Variants in LYST observed in about 807,000 individuals in gnomAD.
The protein encoded by LYST is lysosomal-trafficking regulator.
In LYST, 192 loss-of-function variants were observed where a neutral mutation model predicts 413.6. The observed-to-expected ratio is 0.46, with a 90% CI of 0.41 to 0.52. The LOEUF (loss-of-function observed/expected upper bound fraction) is 0.52, where lower values mean the gene tolerates loss of function less well. Ranked by LOEUF, LYST falls within the 20% of genes least tolerant of loss-of-function variation. The pLI is 0.00. For missense variants in LYST, 3,815 were observed against 4,499.9 expected (o/e 0.85, Z 4.35); for synonymous variants, 1,525 against 1,567.3 (o/e 0.97, Z 0.64).
intron 5 of LYST, 82 bp from the exon 6 acceptor site, chr1:235,806,854 C>T (rs1272461810): frequency 2.8e-5 from 25 of 908,096 alleles, no homozygotes; most frequent in South Asian, 4.4e-5. Context: ...TTTAATATAT[C>T]GCTATTGCAT....
intron 7 of LYST, among the ~76,000 whole-genome samples, chr1:235,804,095 GT>G (rs1381416403): frequency 6.6e-6 from 1 of 152,134 alleles, no homozygotes; most frequent in Non-Finnish European, 1.5e-5. Context: ...TAAAATTAAT[GT>G]GAGTAGAGAG....
intron 3 of LYST, chr1:235,828,768 C>A: frequency 2.3e-6 from 2 of 879,478 alleles, no homozygotes; most frequent in South Asian, 1.0e-4. Context: ...ATTAAATAAT[C>A]AAAATTTCAA....
chr1:235,693,585 G>A (rs1660847770), intron 46 of LYST, 99 bp from the exon 47 acceptor site: 1 of 1,301,786 alleles, frequency 7.7e-7, no homozygotes, highest in African/African-American at 1.5e-5. Flanking sequence ...TTACATAGCA[G>A]AACATATCAT....
chr1:235,738,476 T>A, intron 31 of LYST: 1 of 1,612,480 alleles, frequency 6.2e-7, no homozygotes, highest in Non-Finnish European at 8.5e-7. Flanking sequence ...ACCATGTTAT[T>A]GGAAGTGGTT....
At chr1:235,779,884 G>C (rs1022458885) in intron 16 of LYST, among the ~76,000 whole-genome samples, 2 of 152,066 alleles carry the variant, frequency 1.3e-5, no homozygotes, top group Non-Finnish European at 2.9e-5. Flanking sequence ...AAGAGAAAGA[G>C]GAACCCAGTT....
chr1:235,702,684 T>G, intron 45 of LYST, 63 bp downstream of exon 45: 12 of 1,325,490 alleles, frequency 9.1e-6, no homozygotes, highest in Non-Finnish European at 1.3e-5. Flanking sequence ...CCTGGGAGAG[T>G]GCCTGGCATC....
rs71174459 is a variant in LYST, at chr1:235,755,388, CAAAAGAAAAG to C, written c.7229+80_7229+89del. 0.025 allele frequency: 21,695 copies of C among 856,952 alleles called. 2,564 individuals carry two copies. In the African/African-American group the frequency reaches 0.3, roughly 12 times the overall value. 53.1% of individuals were successfully genotyped at this position (856,952 alleles called of 1,614,324 possible). A position where few individuals can be genotyped will look rare whatever the true frequency, so the allele number is the denominator to read the frequency against. On this transcript the variant is annotated intron_variant, in intron 25 of 52. Transcript: ENST00000389793. ...TGGGCAACAGGGCGAGACTCCGTCT[CAAAAGAAAAG>C]AAAAGAAAAGAAAAGAAAAGAAAAG...
chr1:235,723,264 G>A (rs1663552888), intron 39 of LYST, among the ~76,000 whole-genome samples: 2 of 152,208 alleles, frequency 1.3e-5, no homozygotes, highest in African/African-American at 4.8e-5. Context: ...CTTCTAAATG[G>A]AGACATCAGT....
chr1:235,700,744 A>G (rs1030195984), intron 45 of LYST, among the ~76,000 whole-genome samples: 1 of 152,238 alleles, frequency 6.6e-6, no homozygotes, highest in Non-Finnish European at 1.5e-5. Flanking sequence ...CCAAACCTTA[A>G]AGAATTTGCA....
At chr1:235,876,998 G>C (rs966526917) in intron 1 of LYST, among the ~76,000 whole-genome samples, 1 of 152,238 alleles carries the variant, frequency 6.6e-6, no homozygotes, top group Admixed American at 6.5e-5. Flanking sequence ...ACAGGTGACT[G>C]TAAGCACAGC....
At position 235,674,483 on chromosome 1, in the gene LYST, G is replaced by A. The variant is rs1385998438; in HGVS notation, c.11038+2608C>T. Among the ~76,000 whole-genome samples, 1 of 151,980 alleles carries A rather than the reference G, an allele frequency of 6.6e-6. No homozygotes were observed. Among genetic ancestry groups the A allele is most frequent in the Non-Finnish European group, 1.5e-5 (1 of 68,032 alleles). ...ATGCTATCAAAGTTCCACAAGAGGT[G>A]CTAAATGAATTTAAAGCCAGGAATC... On this transcript the variant is annotated intron_variant, in intron 50 of 52. Transcript: ENST00000389793. This position sits in a 1 kb window ranked among gnomAD's most constrained non-coding sequence, Gnocchi z 4.1.
chr1:235,752,254 T>C, intron 26 of LYST, 83 bp from the exon 27 acceptor site: 3 of 1,040,276 alleles, frequency 2.9e-6, no homozygotes, highest in Non-Finnish European at 4.4e-6. Context: ...CTGATTTAAA[T>C]GGTTTAAATT....
chr1:235,723,966 T>C, intron 39 of LYST, 62 bp downstream of exon 39: 1 of 1,338,854 alleles, frequency 7.5e-7, no homozygotes, highest in East Asian at 2.3e-5. Flanking sequence ...TCAGTATGAG[T>C]ATAGTTACAG....
intron 1 of LYST, among the ~76,000 whole-genome samples, chr1:235,834,341 T>C (rs749328823): frequency 2.0e-5 from 3 of 152,324 alleles, no homozygotes; most frequent in East Asian, 1.9e-4. Flanking sequence ...ATCATAGTTA[T>C]GCGGCAAACA....
At chr1:235,828,904 A>G in intron 3 of LYST, 1 of 911,864 alleles carries the variant, frequency 1.1e-6, no homozygotes. Flanking sequence ...CATGAAAAAG[A>G]ATAAAAATAC....
chr1:235,678,175 C>T (rs2103037916), intron 48 of LYST, among the ~76,000 whole-genome samples: 1 of 151,996 alleles, frequency 6.6e-6, no homozygotes, highest in East Asian at 1.9e-4. Context: ...AAAAAAAATT[C>T]TGGGCATGGT....
chr1:235,843,010 C>T (rs1171896971), intron 1 of LYST, among the ~76,000 whole-genome samples: 1 of 152,176 alleles, frequency 6.6e-6, no homozygotes, highest in Non-Finnish European at 1.5e-5. Flanking sequence ...GGCAGCTCCT[C>T]ATATAATGGC....
At position 235,759,409 on chromosome 1, in the gene LYST, A is replaced by T. The variant is rs1405042567; in HGVS notation, c.6444T>A (p.Asn2148Lys). Reference sequence around the variant, plus strand: ...TCAGTGTGTCGGAACTCCCCAAAGAATTTTGTTTCTTTGATTGGGTGGCAA... The same window carrying T: ...TCAGTGTGTCGGAACTCCCCAAAGATTTTTGTTTCTTTGATTGGGTGGCAA... The part of the protein sequence containing the change: ...TYVATQSKKQ[N>K]SLGSSDTLKK... Residue 2148 changes from asparagine (N) to lysine (K), a missense_variant, in exon 23 of 53, where the codon AAT becomes AAA. By Grantham distance (94) the Asn-to-Lys change is moderately conservative. Around this residue, in one of 4 missense-constraint regions of LYST, gnomAD observed 771 missense variants for 837.1 expected, o/e 0.92. Coordinates refer to ENST00000389793, the MANE Select transcript of LYST (RefSeq NM_000081.4). The T allele has an allele frequency of 6.2e-6, 10 of 1,613,964 alleles. No homozygotes were observed. The highest frequency in any genetic ancestry group is 1.3e-5 in the African/African-American group (1 of 74,896).
rs762235866 is a variant in LYST at position 235,809,601 on chromosome 1, T to C, written c.1217A>G (p.Glu406Gly). 1.2e-5 allele frequency: 20 copies of C among 1,614,004 alleles called. No homozygotes were observed. The Admixed American group carries it at 3.3e-4, about 27-fold the overall frequency. ...ACAGATCAGAATCTGAAGAACTCCTTCCAAAAGCTCAGGTAAAAGAAGGGC... is the reference window on the plus strand; with the variant it reads ...ACAGATCAGAATCTGAAGAACTCCTCCCAAAAGCTCAGGTAAAAGAAGGGC... Reference protein sequence around the residue: ...HRALLLPELLEGVLQILICCL... With the variant: ...HRALLLPELLGGVLQILICCL... Residue 406 changes from glutamate (E) to glycine (G), a missense_variant, in exon 5 of 53, where the codon GAA becomes GGA. Glu to Gly is a moderately conservative substitution (Grantham distance 98). Around this residue, in one of 4 missense-constraint regions of LYST, gnomAD observed 1,648 missense variants for 1,810.3 expected, o/e 0.91. Transcript: ENST00000389793. The surrounding 1 kb of genome is among the most constrained non-coding windows in gnomAD (Gnocchi z 4.0).
Sources: gnomAD v4.1 joint callset for allele counts (sites outside exome capture counted in the v4.1 genomes callset) on GRCh38, gnomAD v4.1.1 for gene constraint, gnomAD v4.1.1 regional missense constraint, Gnocchi (gnomAD v3.1) non-coding constraint, MANE v1.5 for transcripts, NCBI Gene and HGNC (gene_info 2026-07-23, HGNC 2026-07-21) for gene names.